SLC7A2: variants seen among roughly 807,000 people sequenced by gnomAD.
SLC7A2 encodes the protein cationic amino acid transporter 2.
SLC7A2 carries 48 observed loss-of-function variants against 58.9 expected under a neutral mutation model. The ratio of observed to expected loss-of-function variants is 0.82; its 90% CI spans 0.65 to 1.04. The LOEUF (loss-of-function observed/expected upper bound fraction) is 1.04. Among genes scored for constraint, SLC7A2 ranks in the 50% least tolerant of loss-of-function variants. SLC7A2 has a pLI of 0.00. For synonymous variants in SLC7A2, 363 were observed against 314.5 expected (o/e 1.15, Z -1.63); for missense variants, 1,029 against 818.8 (o/e 1.26, Z -3.13).
intron 2 of SLC7A2, 122 bp from the exon 3 acceptor site, chr8:17,543,196 A>C: frequency 2.4e-6 from 2 of 840,346 alleles, no homozygotes; most frequent in South Asian, 3.9e-5. Context: ...TGAAACACAC[A>C]CACACACACA....
rs943412885 is a variant in SLC7A2 at position 17,503,658 on chromosome 8, T to A, written c.-23+1356T>A. Among the ~76,000 whole-genome samples, 62 of 152,270 alleles carry A rather than the reference T, an allele frequency of 4.1e-4. 1 individual carries two copies. The highest frequency in any genetic ancestry group is 3.4e-3 in the Middle Eastern group (1 of 294). ...TATTTGCAACTTGCCAAGGTACTTG[T>A]CCTGACAAAAATTCAAATGGAAACT... On this transcript the variant is annotated intron_variant, in intron 2 of 12. Coordinates refer to ENST00000494857, the MANE Select transcript of SLC7A2 (RefSeq NM_001370338.1).
In SLC7A2 at chr8:17,565,193, C is replaced by T. The variant is rs755670099; in HGVS notation, c.*47C>T. On this transcript the variant is annotated 3_prime_UTR_variant, in exon 13 of 13. Transcript: ENST00000494857. Reference sequence around the variant, plus strand: ...TCATCGTCTTAGCATACATATCCTACACTGAGTAAACCGTAACGGGATGTC... The same window carrying T: ...TCATCGTCTTAGCATACATATCCTATACTGAGTAAACCGTAACGGGATGTC... 4 of 1,451,606 alleles carry T rather than the reference C, an allele frequency of 2.8e-6. No individual in the cohort carries two copies. In the African/African-American group the frequency reaches 4.2e-5, roughly 15 times the overall value. The allele number at this position is 1,451,606 out of a possible 1,614,324, so 89.9% of individuals were successfully genotyped here.
At chr8:17,542,497 A>G (rs957835774) in intron 2 of SLC7A2, among the ~76,000 whole-genome samples, 1 of 152,074 alleles carries the variant, frequency 6.6e-6, no homozygotes, top group African/African-American at 2.4e-5. Context: ...CGAAAAATAA[A>G]GAAGTTACCC....
chr8:17,531,235 TTCTC>T (rs1801439033), intron 2 of SLC7A2, among the ~76,000 whole-genome samples: 1 of 152,182 alleles, frequency 6.6e-6, no homozygotes, highest in Non-Finnish European at 1.5e-5. Context: ...GGAAGGGAGT[TTCTC>T]TCTCTTCTTA....
At chr8:17,549,005 A>G (rs1280988896) in intron 5 of SLC7A2, among the ~76,000 whole-genome samples, 162 bp downstream of exon 5, 1 of 148,284 alleles carries the variant, frequency 6.7e-6, no homozygotes, top group African/African-American at 2.4e-5. Flanking sequence ...ATGGCTGGGG[A>G]AGCCTCACAA....
intron 11 of SLC7A2, 61 bp from the exon 12 acceptor site, chr8:17,563,542 A>C (rs2150785128): frequency 9.7e-7 from 1 of 1,026,118 alleles, no homozygotes; most frequent in South Asian, 1.4e-5. Flanking sequence ...CCCTGTTGAA[A>C]TAACTTGGGG....
intron 2 of SLC7A2, among the ~76,000 whole-genome samples, chr8:17,514,123 G>A (rs1393101892): frequency 3.3e-5 from 5 of 152,102 alleles, no homozygotes; most frequent in African/African-American, 9.7e-5. Flanking sequence ...CATTAGTGAG[G>A]CTTCCTTGAC....
rs1415542057 is a variant in SLC7A2 at position 17,561,985 on chromosome 8, G to A, written c.1546G>A (p.Val516Ile). Reference sequence around the variant, plus strand: ...CCTGAGTGTCTTGACCACTTACGGAGTTCATGCCATCACCAGGCTGGAGGC... The same window carrying A: ...CCTGAGTGTCTTGACCACTTACGGAATTCATGCCATCACCAGGCTGGAGGC... ...LGLSVLTTYG[V>I]HAITRLEAWS... Residue 516 changes from valine to isoleucine, a missense_variant, in exon 11 of 13, where the codon GTT (valine) becomes ATT (isoleucine). By Grantham distance (29) the Val-to-Ile change is conservative. Transcript: ENST00000494857. The A allele has an allele frequency of 3.1e-6, 5 of 1,614,012 alleles. No individual in the cohort carries two copies. The highest frequency in any genetic ancestry group is 4.2e-6 in the Non-Finnish European group (5 of 1,180,030).
chr8:17,505,983 G>A (rs935772869), intron 2 of SLC7A2, among the ~76,000 whole-genome samples: 2 of 152,182 alleles, frequency 1.3e-5, no homozygotes, highest in African/African-American at 4.8e-5. Flanking sequence ...ACGAAGTGAG[G>A]AATTTTAATG....
intron 8 of SLC7A2, among the ~76,000 whole-genome samples, chr8:17,556,950 A>G (rs1802735472): frequency 6.6e-6 from 1 of 152,110 alleles, no homozygotes; most frequent in Non-Finnish European, 1.5e-5. Flanking sequence ...TAAAAGAAAC[A>G]CTGTGATCTT....
intron 2 of SLC7A2, among the ~76,000 whole-genome samples, chr8:17,535,966 G>T (rs1801646556): frequency 1.3e-5 from 2 of 152,112 alleles, no homozygotes; most frequent in African/African-American, 4.8e-5. Context: ...AGTCTTAAGT[G>T]TTGTAGAGAC....
At chr8:17,528,299 TC>T (rs910937804) in intron 2 of SLC7A2, among the ~76,000 whole-genome samples, 1 of 152,186 alleles carries the variant, frequency 6.6e-6, no homozygotes, top group African/African-American at 2.4e-5. Context: ...TATATTTGCC[TC>T]CCTACATCTG....
At chr8:17,534,404 A>C (rs2588232) in intron 2 of SLC7A2, among the ~76,000 whole-genome samples, 1 of 151,892 alleles carries the variant, frequency 6.6e-6, no homozygotes, top group Admixed American at 6.6e-5. Flanking sequence ...TGTCATCACA[A>C]CGGATAACCA....
chr8:17,546,163 A>G (rs187668732), intron 4 of SLC7A2, among the ~76,000 whole-genome samples: 1 of 152,330 alleles, frequency 6.6e-6, no homozygotes, highest in Non-Finnish European at 1.5e-5. Context: ...TATTTTATTT[A>G]GGGATCATTT....
In SLC7A2 at chr8:17,502,310, CTGA is replaced by C. The variant is rs1287784357; in HGVS notation, c.-23+10_-23+12del. 1 of 151,886 alleles carries C rather than the reference CTGA, an allele frequency of 6.6e-6. No individual in the cohort carries two copies. The highest frequency in any genetic ancestry group is 2.4e-5 in the African/African-American group (1 of 41,342). 9.4% of individuals were successfully genotyped at this position (151,886 alleles called of 1,614,324 possible). On this transcript the variant is annotated intron_variant, in intron 2 of 12. Transcript: ENST00000494857. Reference sequence around the variant, plus strand: ...AGCAGTGAGCCCTTACAGGTTAGTGCTGATTTCAATCTTGGCTTGCACGTTGGA... The same window carrying C: ...AGCAGTGAGCCCTTACAGGTTAGTGCTTTCAATCTTGGCTTGCACGTTGGA...
At chr8:17,512,361 A>T (rs183588605) in intron 2 of SLC7A2, among the ~76,000 whole-genome samples, 1 of 152,190 alleles carries the variant, frequency 6.6e-6, no homozygotes, top group Non-Finnish European at 1.5e-5. Flanking sequence ...AGCTTGACCA[A>T]CATGGTGAAG....
rs1470617131 is a variant in SLC7A2, at chr8:17,566,802, T to C, written c.*1656T>C. Reference sequence around the variant, plus strand: ...TCGTACAAATCATTAAATAGTTCATTGGATGAGGCTGGGTGACATTTCCCA... The same window carrying C: ...TCGTACAAATCATTAAATAGTTCATCGGATGAGGCTGGGTGACATTTCCCA... On this transcript the variant is annotated 3_prime_UTR_variant, in exon 13 of 13. Transcript: ENST00000494857. The C allele has an allele frequency of 6.6e-6, 1 of 152,174 alleles. No individual in the cohort carries two copies. Among genetic ancestry groups the C allele is most frequent in the East Asian group, 1.9e-4 (1 of 5,180 alleles). 9.4% of individuals were successfully genotyped at this position (152,174 alleles called of 1,614,324 possible). A position where few individuals can be genotyped will look rare whatever the true frequency, so the allele number is the denominator to read the frequency against.
chr8:17,526,382 T>C (rs1447574866), intron 2 of SLC7A2, among the ~76,000 whole-genome samples: 2 of 152,170 alleles, frequency 1.3e-5, no homozygotes, highest in Non-Finnish European at 2.9e-5. Flanking sequence ...GCAGAGCTCC[T>C]AAATCTCTAT....
intron 2 of SLC7A2, chr8:17,538,647 T>A (rs1406359804): frequency 1.6e-6 from 1 of 611,300 alleles, no homozygotes; most frequent in Admixed American, 3.8e-5. Flanking sequence ...ATTTGAAAAT[T>A]TATCTTGGAA....
Sources: allele counts gnomAD v4.1 joint callset (sites outside exome capture counted in the v4.1 genomes callset), GRCh38; gene constraint gnomAD v4.1.1; transcripts MANE v1.5; gene names NCBI Gene and HGNC (gene_info 2026-07-23, HGNC 2026-07-21).